EPG5: variants seen among roughly 807,000 people sequenced by gnomAD.
EPG5 encodes ectopic P granules protein 5 homolog.
Under a neutral mutation model 302.7 loss-of-function variants are expected in EPG5, and 159 were observed. That is an observed-to-expected ratio of 0.53 (90% CI 0.46 to 0.60). The LOEUF is 0.60. Among genes scored for constraint, EPG5 ranks in the 20% least tolerant of loss-of-function variants. EPG5 has a pLI of 0.00. For synonymous variants in EPG5, 1,158 were observed against 1,136.8 expected (o/e 1.02, Z -0.37); for missense variants, 2,896 against 3,092.4 (o/e 0.94, Z 1.51).
chr18:45,953,200 G>T, intron 2 of EPG5: 1 of 783,164 alleles, frequency 1.3e-6, no homozygotes, highest in Non-Finnish European at 1.5e-6. Context: ...AGCAGTGAAA[G>T]CTGCAAGAAA....
At chr18:45,842,316 G>A in the EPG5 span, 11 of 903,520 alleles carry the variant, frequency 1.2e-5, no homozygotes, top group African/African-American at 1.2e-4. Context: ...CTCCTCCCCT[G>A]CTCAAGGTCA....
chr18:45,837,881 C>A, the EPG5 span: 1 of 1,527,494 alleles, frequency 6.5e-7, no homozygotes, highest in East Asian at 2.7e-5. Flanking sequence ...CCACGGCGTC[C>A]GGCTGCACGT....
intron 39 of EPG5, among the ~76,000 whole-genome samples, chr18:45,861,707 A>ATT (rs2048639443): frequency 6.6e-6 from 1 of 152,192 alleles, no homozygotes; most frequent in Non-Finnish European, 1.5e-5. Context: ...ATCTACATGA[A>ATT]ACAGGTATGA....
At chr18:45,932,789 T>C (rs917717228) in intron 11 of EPG5, among the ~76,000 whole-genome samples, 1 of 152,154 alleles carries the variant, frequency 6.6e-6, no homozygotes, top group Non-Finnish European at 1.5e-5. Flanking sequence ...TGTCAGGTGA[T>C]ACAGGCCCTA....
the EPG5 span, among the ~76,000 whole-genome samples, chr18:45,811,469 A>G: frequency 3.9e-5 from 6 of 152,314 alleles, no homozygotes; most frequent in South Asian, 1.0e-3. Flanking sequence ...CACAAAAAAG[A>G]GAATTTTAGA....
chr18:45,910,583 T>G lies in EPG5; in HGVS notation c.4143A>C (p.Pro1381=). 1 of 1,614,026 alleles carries G rather than the reference T, an allele frequency of 6.2e-7. No individual in the cohort carries two copies. The change falls in exon 23 of 44, where the codon CCA becomes CCC. Residue 1381 remains proline, a synonymous_variant. Transcript: ENST00000282041. The stretch of plus-strand genomic sequence containing the variant: ...AACCAGGGGTGCCAGAGTGGCTCTC[T>G]GGCAGCCCTTCACTGCCCTCTGCTG... ...RVPAEGSEGL[P]ESHSGTPGYL...
intron 30 of EPG5, among the ~76,000 whole-genome samples, chr18:45,883,497 A>C (rs1381539730): frequency 1.5e-5 from 2 of 137,086 alleles, no homozygotes; most frequent in African/African-American, 2.8e-5. Flanking sequence ...GTCTCACTCC[A>C]TCACCCAGGT....
Position 45,910,625 on chromosome 18 carries a change from G to C in EPG5, c.4101C>G (p.Ser1367Arg). The change falls in exon 23 of 44, where the codon AGC becomes AGG. Residue 1367 changes from serine (S) to arginine (R), a missense_variant. Physicochemically the swap from Ser to Arg is moderately radical, Grantham distance 110. Coordinates refer to ENST00000282041, the MANE Select transcript of EPG5 (RefSeq NM_020964.3). Reference sequence around the variant, plus strand: ...CCTCTGCTGGAACACGGAGGGCCTTGCTTGCAGCATGGTGGAAGTCAGCCA... The same window carrying C: ...CCTCTGCTGGAACACGGAGGGCCTTCCTTGCAGCATGGTGGAAGTCAGCCA... ...TEVADFHHAA[S>R]KALRVPAEGS... 6.2e-6 allele frequency: 10 copies of C among 1,614,166 alleles called. No homozygotes were observed. The highest frequency in any genetic ancestry group is 1.1e-5 in the South Asian group (1 of 91,082).
At chr18:45,891,989 G>A (rs1354573445) in intron 27 of EPG5, among the ~76,000 whole-genome samples, 1 of 152,126 alleles carries the variant, frequency 6.6e-6, no homozygotes, top group Non-Finnish European at 1.5e-5. Context: ...TGGCTGGCCT[G>A]GAGAGACAGG....
At chr18:45,857,639 AT>A (rs1430462170) in intron 42 of EPG5, 10 of 522,792 alleles carry the variant, frequency 1.9e-5, no homozygotes, top group African/African-American at 3.8e-5. Context: ...TGAATTGAAA[AT>A]TTTTTTTAAA....
chr18:45,938,666 A>G (rs751432291), intron 10 of EPG5, among the ~76,000 whole-genome samples: 19 of 152,160 alleles, frequency 1.2e-4, no homozygotes, highest in African/African-American at 3.9e-4. Flanking sequence ...TTTAAAATGT[A>G]TTTCCTCATA....
At chr18:45,882,622 A>G in intron 30 of EPG5, 135 bp from the exon 31 acceptor site, 1 of 612,390 alleles carries the variant, frequency 1.6e-6, no homozygotes, top group Non-Finnish European at 2.8e-6. Context: ...TAAAATGTAT[A>G]AACAAGTACA....
the EPG5 span, among the ~76,000 whole-genome samples, chr18:45,828,127 A>C: frequency 6.6e-6 from 1 of 152,136 alleles, no homozygotes; most frequent in Non-Finnish European, 1.5e-5. Context: ...CCTGGGCAGG[A>C]GGCCCGAGGA....
At position 45,865,633 on chromosome 18, in the gene EPG5, T is replaced by C. The variant is rs2048728345; in HGVS notation, c.6748A>G (p.Ile2250Val). The C allele has an allele frequency of 6.8e-6, 11 of 1,614,068 alleles. No homozygotes were observed. Among genetic ancestry groups the C allele is most frequent in the Non-Finnish European group, 8.5e-6 (10 of 1,179,966 alleles). Reference sequence around the variant, plus strand: ...CACTTACCGGGCGGGTTAAAGACAATGATATCGTCTAAGAGCTTAGACATT... The same window carrying C: ...CACTTACCGGGCGGGTTAAAGACAACGATATCGTCTAAGAGCTTAGACATT... Reference protein sequence around the residue: ...QEMSKLLDDIIVFNPPDMDSQ... With the variant: ...QEMSKLLDDIVVFNPPDMDSQ... Residue 2250 changes from isoleucine (I) to valine (V), a missense_variant, in exon 39 of 44, where the codon ATT (isoleucine) becomes GTT (valine). By Grantham distance (29) the Ile-to-Val change is conservative. Transcript: ENST00000282041.
intron 1 of EPG5, among the ~76,000 whole-genome samples, chr18:45,959,502 C>T (rs1424967083): frequency 6.6e-6 from 1 of 151,386 alleles, no homozygotes; most frequent in Non-Finnish European, 1.5e-5. Context: ...GAAAACTAGC[C>T]AGGCGTGGTG....
chr18:45,844,831 A>G (rs1335214646), downstream of EPG5, among the ~76,000 whole-genome samples: 3 of 152,196 alleles, frequency 2.0e-5, no homozygotes, highest in African/African-American at 7.2e-5. Context: ...TGACCAGGGA[A>G]GAAGTTAAGG....
chr18:45,955,941 A>T (rs945462912), intron 1 of EPG5, among the ~76,000 whole-genome samples: 14 of 152,252 alleles, frequency 9.2e-5, no homozygotes, highest in Admixed American at 2.0e-4. Context: ...CAGAACACTT[A>T]CCACAAGAAC....
chr18:45,952,099 G>T (rs1469925799), intron 3 of EPG5, among the ~76,000 whole-genome samples: 6 of 152,138 alleles, frequency 3.9e-5, no homozygotes, highest in Admixed American at 6.5e-5. Context: ...ACTATATTTG[G>T]ACTCAACTTG....
At chr18:45,820,980 G>A in the EPG5 span, among the ~76,000 whole-genome samples, 1 of 152,110 alleles carries the variant, frequency 6.6e-6, no homozygotes, top group African/African-American at 2.4e-5. Context: ...TGAAAACCAG[G>A]GATCATCTGA....
Sources: gnomAD v4.1 joint callset for allele counts (sites outside exome capture counted in the v4.1 genomes callset) on GRCh38, gnomAD v4.1.1 for gene constraint, MANE v1.5 for transcripts, NCBI Gene and HGNC (gene_info 2026-07-23, HGNC 2026-07-21) for gene names.